The following CDK19 variants were observed in gnomAD, a reference collection of about 807,000 sequenced individuals.
CDK19 encodes the protein cyclin dependent kinase 19, also known as cyclin-dependent kinase 19.
A neutral mutation model predicts 68.3 loss-of-function variants in CDK19; 20 were observed. The observed-to-expected ratio is 0.29, with a 90% CI of 0.21 to 0.43. CDK19 has a LOEUF of 0.43. Among genes scored for constraint, CDK19 ranks in the 20% least tolerant of loss-of-function variants. The pLI is 1.00. For synonymous variants in CDK19, 221 were observed against 222.8 expected (o/e 0.99, Z 0.07); for missense variants, 339 against 623.5 (o/e 0.54, Z 4.86).
At chr6:110,724,913 A>T (rs1383273809) in intron 2 of CDK19, among the ~76,000 whole-genome samples, 1 of 152,200 alleles carries the variant, frequency 6.6e-6, no homozygotes, top group Admixed American at 6.5e-5. Context: ...TTATACAGAT[A>T]TGGGAAGGGT....
At chr6:110,778,724 T>C (rs886652777) in intron 1 of CDK19, among the ~76,000 whole-genome samples, 10 of 152,204 alleles carry the variant, frequency 6.6e-5, no homozygotes, top group African/African-American at 2.4e-4. Flanking sequence ...GGGTGGCATG[T>C]ATCCAGGTGA....
At chr6:110,730,917 T>G (rs949057927) in intron 2 of CDK19, among the ~76,000 whole-genome samples, 2 of 152,006 alleles carry the variant, frequency 1.3e-5, no homozygotes, top group Non-Finnish European at 2.9e-5. Flanking sequence ...CCGGGCATGG[T>G]GGCGCATGCC....
In CDK19 at chr6:110,744,399, G is replaced by C. The variant is rs186676153; in HGVS notation, c.204+1727C>G. Among the ~76,000 whole-genome samples, 23 of 152,094 alleles carry C rather than the reference G, an allele frequency of 1.5e-4. No individual in the cohort carries two copies. In the East Asian group the frequency reaches 4.3e-3, roughly 28 times the overall value. On this transcript the variant is annotated intron_variant, in intron 2 of 12. Transcript: ENST00000368911. The stretch of plus-strand genomic sequence containing the variant: ...TAAAGCAAACATAGGTCCAAGCATG[G>C]TGGCTCACGCCTGCAATCCCAGCAC...
chr6:110,815,173 C>T lies in CDK19; in HGVS notation c.-37G>A, dbSNP rs1199394163. ...CCCATAGAGGCACGGGACGCGGGGG[C>T]CGCCGCCGCTCAGTCCCTCCTCCTC... On this transcript the variant is annotated 5_prime_UTR_variant, in exon 1 of 13. Transcript: ENST00000368911. 1.9e-6 allele frequency: 3 copies of T among 1,555,596 alleles called. No individual in the cohort carries two copies. Among genetic ancestry groups the T allele is most frequent in the East Asian group, 2.6e-5 (1 of 38,446 alleles).
chr6:110,775,410 G>A lies in CDK19; in HGVS notation c.129-29209C>T, dbSNP rs78461385. 6.1e-3 allele frequency among the ~76,000 whole-genome samples: 930 copies of A among 152,168 alleles called. 4 individuals carry two copies. Among genetic ancestry groups the A allele is most frequent in the Middle Eastern group, 0.01 (3 of 294 alleles). On this transcript the variant is annotated intron_variant, in intron 1 of 12. Transcript: ENST00000368911. ...AAAAACAGACCTAGAAGAGGACAAC[G>A]TAAAAGAAAAAAGGAGAAAGTAGCA... is the stretch of plus-strand genomic sequence containing the variant.
chr6:110,759,436 T>A (rs1353757856), intron 1 of CDK19, among the ~76,000 whole-genome samples: 15 of 118,662 alleles, frequency 1.3e-4, no homozygotes, highest in African/African-American at 4.4e-4. Context: ...AAAATATATA[T>A]ATATATATAT....
intron 2 of CDK19, among the ~76,000 whole-genome samples, chr6:110,696,820 G>A (rs1272963352): frequency 2.0e-5 from 3 of 152,114 alleles, no homozygotes; most frequent in Non-Finnish European, 4.4e-5. Flanking sequence ...ACTTTGGGAG[G>A]CTGAGGGTGG....
At chr6:110,646,361 T>C (rs1459062190) in intron 4 of CDK19, 30 of 1,464,810 alleles carry the variant, frequency 2.0e-5, no homozygotes, top group Non-Finnish European at 2.7e-5. Flanking sequence ...GCCTCTTCCA[T>C]GTGGGCGACA....
At chr6:110,635,170 T>C (rs1046881171) in intron 5 of CDK19, among the ~76,000 whole-genome samples, 2 of 152,102 alleles carry the variant, frequency 1.3e-5, no homozygotes, top group Non-Finnish European at 2.9e-5. Flanking sequence ...GGTCTACCAC[T>C]AAGGAGTTTA....
Position 110,612,457 on chromosome 6 carries a change from T to G in CDK19, c.*2078A>C, listed in dbSNP as rs985851182. ...AGTAAACAAAAAGACCTTCATATTA[T>G]AAGACAGTTTCACTTGTAAGTCAAT... On this transcript the variant is annotated 3_prime_UTR_variant, in exon 13 of 13. Coordinates refer to ENST00000368911, the MANE Select transcript of CDK19 (RefSeq NM_015076.5). 1.8e-4 allele frequency: 28 copies of G among 152,724 alleles called. No individual in the cohort carries two copies. The highest frequency in any genetic ancestry group is 6.5e-4 in the African/African-American group (27 of 41,578). The allele number at this position is 152,724 out of a possible 1,614,324, so 9.5% of individuals were successfully genotyped here. A position where few individuals can be genotyped will look rare whatever the true frequency, so the allele number is the denominator to read the frequency against.
At chr6:110,806,396 ACCC>A (rs143346830) in intron 1 of CDK19, among the ~76,000 whole-genome samples, 2 of 151,446 alleles carry the variant, frequency 1.3e-5, no homozygotes, top group East Asian at 1.9e-4. Context: ...TTCTTAGCCA[ACCC>A]CCCCATCTCC....
At chr6:110,708,504 T>C (rs1272370454) in intron 2 of CDK19, among the ~76,000 whole-genome samples, 1 of 152,202 alleles carries the variant, frequency 6.6e-6, no homozygotes, top group Non-Finnish European at 1.5e-5. Flanking sequence ...CCTACTCTTG[T>C]TTCCAGCCCC....
chr6:110,741,662 G>GA (rs535539990), intron 2 of CDK19, among the ~76,000 whole-genome samples: 2,110 of 144,836 alleles, frequency 0.015, 57 homozygotes, highest in African/African-American at 0.049. Context: ...CAACAAGAGG[G>GA]AAAAAAAAAA....
chr6:110,691,289 A>G (rs1260727749), intron 2 of CDK19, among the ~76,000 whole-genome samples: 1 of 152,112 alleles, frequency 6.6e-6, no homozygotes, highest in Non-Finnish European at 1.5e-5. Flanking sequence ...CCTGGCCAAC[A>G]TAGTGAAAAC....
chr6:110,626,977 G>A (rs776315300), intron 7 of CDK19, 25 bp downstream of exon 7: 1 of 1,581,368 alleles, frequency 6.3e-7, no homozygotes, highest in Non-Finnish European at 8.6e-7. Flanking sequence ...CTCAAAATAT[G>A]ACTTTAAAAA....
At chr6:110,732,314 G>A (rs1020591037) in intron 2 of CDK19, among the ~76,000 whole-genome samples, 1 of 151,954 alleles carries the variant, frequency 6.6e-6, no homozygotes, top group Non-Finnish European at 1.5e-5. Context: ...TGGCTGTCAC[G>A]GCGCAAAACC....
chr6:110,643,506 T>C (rs1780339931), intron 4 of CDK19, among the ~76,000 whole-genome samples: 1 of 152,096 alleles, frequency 6.6e-6, no homozygotes, highest in South Asian at 2.1e-4. Context: ...ATTAAAACAA[T>C]TGGCTGGATG....
At chr6:110,670,990 T>C (rs978720709) in intron 2 of CDK19, among the ~76,000 whole-genome samples, 3 of 152,236 alleles carry the variant, frequency 2.0e-5, no homozygotes, top group African/African-American at 2.4e-5. Context: ...TAGCACTGTA[T>C]TGGTGCTCAA....
chr6:110,724,512 A>G lies in CDK19; in HGVS notation c.204+21614T>C, dbSNP rs986313693. ...CTCGGTCTACCTGGAAAAGTTCTGG[A>G]GCAGAATAGTGACACAACTGTATCT... is the stretch of plus-strand genomic sequence containing the variant. On this transcript the variant is annotated intron_variant, in intron 2 of 12. Coordinates refer to ENST00000368911, the MANE Select transcript of CDK19 (RefSeq NM_015076.5). Among the ~76,000 whole-genome samples, 5 of 152,168 alleles carry G rather than the reference A, an allele frequency of 3.3e-5. No individual in the cohort carries two copies. In the South Asian group the frequency reaches 1.0e-3, roughly 31 times the overall value.
Sources: gnomAD v4.1 joint callset for allele counts (sites outside exome capture counted in the v4.1 genomes callset) on GRCh38, gnomAD v4.1.1 for gene constraint, MANE v1.5 for transcripts, NCBI Gene and HGNC (gene_info 2026-07-23, HGNC 2026-07-21) for gene names.